Variants in HECW2 observed in about 807,000 individuals in gnomAD.
HECW2 encodes the protein HECT, C2 and WW domain containing E3 ubiquitin protein ligase 2, also known as E3 ubiquitin-protein ligase HECW2.
HECW2 carries 61 observed loss-of-function variants against 175.2 expected under a neutral mutation model. That is an observed-to-expected ratio of 0.35 (90% CI 0.28 to 0.43). The LOEUF is 0.43. Ranked by LOEUF, HECW2 falls within the 20% of genes least tolerant of loss-of-function variation. The pLI, the probability that HECW2 is intolerant of heterozygous loss-of-function variation, is 1.00. For missense variants in HECW2, 1,524 were observed against 2,000.5 expected, an observed-to-expected ratio of 0.76 and a Z score of 4.54; for synonymous variants, 671 against 731.0, an observed-to-expected ratio of 0.92 and a Z score of 1.32.
At chr2:196,388,933 T>C (rs965061724) in intron 2 of HECW2, among the ~76,000 whole-genome samples, 1 of 152,216 alleles carries the variant, frequency 6.6e-6, no homozygotes, top group Admixed American at 6.5e-5. Flanking sequence ...TTTGGAAGCA[T>C]GGTTACTGCC....
chr2:196,446,030 C>T (rs1175072132), intron 1 of HECW2, among the ~76,000 whole-genome samples: 2 of 152,146 alleles, frequency 1.3e-5, no homozygotes, highest in Non-Finnish European at 2.9e-5. Context: ...CCTCCAATAA[C>T]CCCTATCTCA....
rs1048588942 is a variant in HECW2, at chr2:196,510,573, G to A, written c.-35-77115C>T. ...CAGGTTGTGGGGTTTTCTTTTAGAA[G>A]ATTCCTTTAATTGTTATAATTCCTT... On this transcript the variant is annotated intron_variant, in intron 1 of 28. Coordinates refer to ENST00000644978, the MANE Select transcript of HECW2 (RefSeq NM_001348768.2). 6.0e-5 allele frequency among the ~76,000 whole-genome samples: 8 copies of A among 133,182 alleles called. No homozygotes were observed. The Admixed American group carries it at 6.5e-4, about 11-fold the overall frequency. The allele number at this position is 133,182 out of a possible 152,430, so 87.4% of individuals were successfully genotyped here. A position where few individuals can be genotyped will look rare whatever the true frequency, so the allele number is the denominator to read the frequency against.
intron 11 of HECW2, among the ~76,000 whole-genome samples, chr2:196,307,452 C>G (rs1178478062): frequency 6.6e-6 from 1 of 151,980 alleles, no homozygotes; most frequent in Non-Finnish European, 1.5e-5. Context: ...AAATTAATAA[C>G]ACTAAAAAAA....
At chr2:196,555,639 T>G (rs959344162) in intron 1 of HECW2, among the ~76,000 whole-genome samples, 10 of 152,186 alleles carry the variant, frequency 6.6e-5, no homozygotes, top group Non-Finnish European at 8.8e-5. Context: ...GTACAGTGAC[T>G]TTAACTGCTT....
At chr2:196,341,369 ACACC>A (rs1692745659) in intron 3 of HECW2, among the ~76,000 whole-genome samples, 1 of 149,510 alleles carries the variant, frequency 6.7e-6, no homozygotes, top group Non-Finnish European at 1.5e-5. Flanking sequence ...AGCCTTTTAA[ACACC>A]AGGATCCTTT....
intron 2 of HECW2, among the ~76,000 whole-genome samples, chr2:196,424,339 C>A (rs1695486050): frequency 6.6e-6 from 1 of 152,058 alleles, no homozygotes; most frequent in African/African-American, 2.4e-5. Flanking sequence ...AATAACCCTA[C>A]AATGGCCTCT....
At chr2:196,472,260 G>A (rs1281423254) in intron 1 of HECW2, among the ~76,000 whole-genome samples, 2 of 151,940 alleles carry the variant, frequency 1.3e-5, no homozygotes, top group Non-Finnish European at 2.9e-5. Context: ...AAGACAGGAG[G>A]ATCACTTGAG....
intron 28 of HECW2, among the ~76,000 whole-genome samples, chr2:196,205,179 C>T (rs894307732): frequency 2.0e-5 from 3 of 152,088 alleles, no homozygotes; most frequent in East Asian, 1.9e-4. Flanking sequence ...AAATATTTCG[C>T]GATGATGGGG....
In HECW2 at chr2:196,474,066, G is replaced by A. The variant is rs73989937; in HGVS notation, c.-35-40608C>T. Among the ~76,000 whole-genome samples the A allele has an allele frequency of 8.3e-3, 1,267 of 152,234 alleles. 18 individuals are homozygous for A. The highest frequency in any genetic ancestry group is 0.029 in the African/African-American group (1,204 of 41,550). On this transcript the variant is annotated intron_variant, in intron 1 of 28. Coordinates refer to ENST00000644978, the MANE Select transcript of HECW2 (RefSeq NM_001348768.2). Reference sequence around the variant, plus strand: ...AATCTTCCAATAAAATAAGTTATACGAAATCAAGTAGTATCATCTTACTAT... The same window carrying A: ...AATCTTCCAATAAAATAAGTTATACAAAATCAAGTAGTATCATCTTACTAT...
At chr2:196,436,269 C>G (rs1258432447) in intron 1 of HECW2, among the ~76,000 whole-genome samples, 1 of 151,910 alleles carries the variant, frequency 6.6e-6, no homozygotes, top group Non-Finnish European at 1.5e-5. Flanking sequence ...GGCGTGGTGG[C>G]GGGTGCCTGT....
At chr2:196,379,319 CTA>C (rs1385053566) in intron 2 of HECW2, among the ~76,000 whole-genome samples, 3 of 152,122 alleles carry the variant, frequency 2.0e-5, no homozygotes, top group African/African-American at 7.2e-5. Flanking sequence ...TGAGAATACT[CTA>C]TGTCCTGATC....
chr2:196,241,943 A>G, intron 20 of HECW2, 141 bp downstream of exon 20: 1 of 744,252 alleles, frequency 1.3e-6, no homozygotes, highest in Non-Finnish European at 2.3e-6. Flanking sequence ...AGATGATCCT[A>G]TAATTTACAA....
intron 1 of HECW2, among the ~76,000 whole-genome samples, chr2:196,441,131 C>T (rs1282680412): frequency 2.0e-5 from 3 of 152,134 alleles, no homozygotes; most frequent in Admixed American, 1.3e-4. Context: ...ATGACAAATA[C>T]ATTAAGCAAG....
At chr2:196,515,439 T>G (rs1023667428) in intron 1 of HECW2, among the ~76,000 whole-genome samples, 1 of 152,088 alleles carries the variant, frequency 6.6e-6, no homozygotes, top group Non-Finnish European at 1.5e-5. Flanking sequence ...ACCCTAACGA[T>G]CTCATGACAC....
At chr2:196,400,331 G>A (rs370860483) in intron 2 of HECW2, among the ~76,000 whole-genome samples, 4 of 152,142 alleles carry the variant, frequency 2.6e-5, no homozygotes, top group Non-Finnish European at 5.9e-5. Flanking sequence ...GACAGAGGAA[G>A]GATTTTCGTG....
At chr2:196,548,876 C>T (rs751055617) in intron 1 of HECW2, among the ~76,000 whole-genome samples, 3 of 152,116 alleles carry the variant, frequency 2.0e-5, no homozygotes, top group Non-Finnish European at 4.4e-5. Flanking sequence ...CTGTGCGTGT[C>T]TTTCTGCCCA....
In HECW2 at chr2:196,344,810, C is replaced by T. The variant is rs79032001; in HGVS notation, c.293-1046G>A. 8.7e-3 allele frequency among the ~76,000 whole-genome samples: 1,330 copies of T among 152,142 alleles called. 9 individuals are homozygous for T. Among genetic ancestry groups the T allele is most frequent in the Non-Finnish European group, 0.014 (930 of 68,014 alleles). On this transcript the variant is annotated intron_variant, in intron 2 of 28. Coordinates refer to ENST00000644978, the MANE Select transcript of HECW2 (RefSeq NM_001348768.2). ...TAACTGAGAGTTGGAATAAAGAAGA[C>T]GGGGTGAAGTATGAGCTACACTAAA...
chr2:196,494,505 G>T (rs1433425182), intron 1 of HECW2, among the ~76,000 whole-genome samples: 5 of 152,102 alleles, frequency 3.3e-5, no homozygotes, highest in African/African-American at 1.2e-4. Context: ...GCAGGGAGAG[G>T]GACAGTTACA....
intron 24 of HECW2, among the ~76,000 whole-genome samples, chr2:196,221,833 T>G (rs1384043057): frequency 6.6e-6 from 1 of 152,224 alleles, no homozygotes; most frequent in Non-Finnish European, 1.5e-5. Flanking sequence ...GTGCTGGGAT[T>G]ACAGGCATGA....
Sources: gnomAD v4.1 joint callset for allele counts (sites outside exome capture counted in the v4.1 genomes callset) on GRCh38, gnomAD v4.1.1 for gene constraint, MANE v1.5 for transcripts, NCBI Gene and HGNC (gene_info 2026-07-23, HGNC 2026-07-21) for gene names.